The following HHAT variants were observed in gnomAD, a reference collection of about 807,000 sequenced individuals.
HHAT encodes the protein hedgehog acyltransferase, also known as protein-cysteine N-palmitoyltransferase HHAT.
Under a neutral mutation model 70.8 loss-of-function variants are expected in HHAT, and 47 were observed. The observed-to-expected ratio is 0.66, with a 90% CI of 0.53 to 0.85. The LOEUF is 0.85. Among genes scored for constraint, HHAT ranks in the 40% least tolerant of loss-of-function variants. The pLI is 0.00. For synonymous variants in HHAT, 228 were observed against 247.6 expected, an observed-to-expected ratio of 0.92 and a Z score of 0.74; for missense variants, 609 against 604.8, an observed-to-expected ratio of 1.01 and a Z score of -0.07.
At chr1:210,514,795 T>C (rs2095026511) in intron 9 of HHAT, among the ~76,000 whole-genome samples, 1 of 152,236 alleles carries the variant, frequency 6.6e-6, no homozygotes, top group East Asian at 1.9e-4. Context: ...TACTTGGATA[T>C]GTCTGGGAAT....
upstream of HHAT, among the ~76,000 whole-genome samples, chr1:210,328,720 C>T (rs578225924): frequency 1.2e-3 from 187 of 152,372 alleles, no homozygotes; most frequent in African/African-American, 4.4e-3. Flanking sequence ...GATATGCACG[C>T]CAGGGTCAGT....
At chr1:210,648,696 A>G (rs1169749909) in intron 11 of HHAT, among the ~76,000 whole-genome samples, 1 of 152,156 alleles carries the variant, frequency 6.6e-6, no homozygotes, top group Non-Finnish European at 1.5e-5. Flanking sequence ...CAGAACATGC[A>G]TTTTCCAGCA....
At chr1:210,502,132 C>G (rs1240659517) in intron 8 of HHAT, among the ~76,000 whole-genome samples, 1 of 151,684 alleles carries the variant, frequency 6.6e-6, no homozygotes, top group Non-Finnish European at 1.5e-5. Context: ...CGCCTGTAAT[C>G]CCAGCAGTTT....
intron 1 of HHAT, among the ~76,000 whole-genome samples, chr1:210,344,339 T>G (rs999373669): frequency 2.6e-5 from 4 of 152,168 alleles, no homozygotes; most frequent in Non-Finnish European, 5.9e-5. Context: ...GAGTTTCTGC[T>G]GGGGCCACTG....
intron 8 of HHAT, among the ~76,000 whole-genome samples, chr1:210,499,377 C>T (rs570656902): frequency 6.6e-6 from 1 of 152,348 alleles, no homozygotes; most frequent in East Asian, 1.9e-4. Context: ...TGGCTCACGC[C>T]TGTAATCCCA....
intron 11 of HHAT, among the ~76,000 whole-genome samples, chr1:210,663,626 C>T (rs761991219): frequency 6.6e-6 from 1 of 152,220 alleles, no homozygotes; most frequent in South Asian, 2.1e-4. Context: ...CTCCTCTGCT[C>T]CATGCGTGAG....
At chr1:210,488,732 A>G (rs1269318225) in intron 8 of HHAT, among the ~76,000 whole-genome samples, 2 of 152,096 alleles carry the variant, frequency 1.3e-5, no homozygotes, top group African/African-American at 2.4e-5. Flanking sequence ...GTCTCTACAG[A>G]AAATTTAAAA....
intron 4 of HHAT, among the ~76,000 whole-genome samples, chr1:210,392,195 C>T (rs2091503822): frequency 6.6e-6 from 1 of 152,028 alleles, no homozygotes; most frequent in Non-Finnish European, 1.5e-5. Context: ...TTTAACTGAA[C>T]ACATGGAAGA....
At chr1:210,373,881 A>T (rs2089820273) in intron 3 of HHAT, among the ~76,000 whole-genome samples, 1 of 152,234 alleles carries the variant, frequency 6.6e-6, no homozygotes, top group African/African-American at 2.4e-5. Context: ...TTAGGATCTT[A>T]AAGGCCATCA....
chr1:210,448,455 T>G (rs2093680524), intron 7 of HHAT, among the ~76,000 whole-genome samples: 1 of 152,136 alleles, frequency 6.6e-6, no homozygotes, highest in Non-Finnish European at 1.5e-5. Flanking sequence ...CGTAATAGTT[T>G]AGGGTAGACA....
intron 9 of HHAT, 102 bp downstream of exon 9, chr1:210,513,290 T>TTA (rs994296270): frequency 9.2e-6 from 6 of 651,400 alleles, no homozygotes; most frequent in South Asian, 5.4e-5. Context: ...ATAATGGCAC[T>TTA]TATATATATA....
intron 11 of HHAT, among the ~76,000 whole-genome samples, chr1:210,640,535 C>T (rs990813924): frequency 2.7e-5 from 4 of 149,992 alleles, no homozygotes; most frequent in Non-Finnish European, 4.5e-5. Flanking sequence ...GCTATGTGGA[C>T]ACAGTTTTTT....
At chr1:210,612,228 T>TA (rs1666742344) in intron 10 of HHAT, among the ~76,000 whole-genome samples, 2 of 152,324 alleles carry the variant, frequency 1.3e-5, no homozygotes, top group South Asian at 4.1e-4. Flanking sequence ...TAAGGGGTAT[T>TA]AAAAACATTC....
chr1:210,560,060 C>T (rs1420224248), intron 9 of HHAT, among the ~76,000 whole-genome samples: 1 of 152,118 alleles, frequency 6.6e-6, no homozygotes, highest in African/African-American at 2.4e-5. Context: ...AGCTCTGTCA[C>T]TTGGCAAAGT....
intron 8 of HHAT, among the ~76,000 whole-genome samples, chr1:210,478,987 G>A (rs2094349306): frequency 6.8e-6 from 1 of 147,144 alleles, no homozygotes; most frequent in Non-Finnish European, 1.5e-5. Flanking sequence ...GGCTTAAAGT[G>A]TGATCTCTTG....
intron 9 of HHAT, among the ~76,000 whole-genome samples, chr1:210,523,520 C>T (rs2095193950): frequency 6.6e-6 from 1 of 152,108 alleles, no homozygotes; most frequent in Non-Finnish European, 1.5e-5. Context: ...TGGGTAGAGT[C>T]CAGGAATCAG....
intron 9 of HHAT, among the ~76,000 whole-genome samples, chr1:210,559,031 A>G (rs1229945749): frequency 6.6e-6 from 1 of 152,184 alleles, no homozygotes; most frequent in Non-Finnish European, 1.5e-5. Flanking sequence ...CCGTTCGGTC[A>G]GTTCATTGTC....
intron 7 of HHAT, among the ~76,000 whole-genome samples, chr1:210,436,218 C>A (rs1242777190): frequency 1.3e-5 from 2 of 151,646 alleles, no homozygotes; most frequent in East Asian, 3.9e-4. Context: ...GAAGAGAGTG[C>A]CCTTTGCCTA....
At chr1:210,645,532 G>A (rs1454257336) in intron 11 of HHAT, among the ~76,000 whole-genome samples, 3 of 152,128 alleles carry the variant, frequency 2.0e-5, no homozygotes, top group South Asian at 2.1e-4. Flanking sequence ...TCCCTTTATC[G>A]CAAGTACTGG....
Sources: allele counts gnomAD v4.1 joint callset (sites outside exome capture counted in the v4.1 genomes callset), GRCh38; gene constraint gnomAD v4.1.1; transcripts MANE v1.5; gene names NCBI Gene and HGNC (gene_info 2026-07-23, HGNC 2026-07-21).